PLCB1: variants seen among roughly 807,000 people sequenced by gnomAD.
The protein encoded by PLCB1 is 1-phosphatidylinositol 4,5-bisphosphate phosphodiesterase beta-1.
Under a neutral mutation model 161.8 loss-of-function variants are expected in PLCB1, and 46 were observed. That is an observed-to-expected ratio of 0.28 (90% confidence interval 0.22 to 0.36). PLCB1 has a LOEUF of 0.36. Ranked by LOEUF, PLCB1 falls within the 10% of genes least tolerant of loss-of-function variation. The pLI is 1.00. For synonymous variants in PLCB1, 517 were observed against 503.7 expected, an observed-to-expected ratio of 1.03 and a Z score of -0.35; for missense variants, 1,016 against 1,472.5, an observed-to-expected ratio of 0.69 and a Z score of 5.07.
intron 6 of PLCB1, 101 bp downstream of exon 6, chr20:8,648,054 T>C (rs1989214370): frequency 2.5e-6 from 2 of 792,054 alleles, no homozygotes; most frequent in Admixed American, 5.1e-5. Flanking sequence ...TAAGTGGGAG[T>C]GTGGAAATGC....
intron 3 of PLCB1, among the ~76,000 whole-genome samples, chr20:8,571,607 A>T (rs1464313547): frequency 6.6e-6 from 1 of 152,176 alleles, no homozygotes; most frequent in Non-Finnish European, 1.5e-5. Context: ...GACTTGAACT[A>T]AAGAGTAATA....
At chr20:8,149,480 C>A (rs556527073) in intron 1 of PLCB1, among the ~76,000 whole-genome samples, 2 of 152,172 alleles carry the variant, frequency 1.3e-5, no homozygotes, top group East Asian at 3.9e-4. Context: ...TTTTAATAAG[C>A]TAGATGATAT....
intron 11 of PLCB1, among the ~76,000 whole-genome samples, chr20:8,702,587 T>A (rs1276637982): frequency 6.6e-6 from 1 of 152,222 alleles, no homozygotes; most frequent in Non-Finnish European, 1.5e-5. Flanking sequence ...TACACCCTAC[T>A]GTTGTCTGTC....
chr20:8,725,118 A>T (rs1245175545), intron 16 of PLCB1, among the ~76,000 whole-genome samples: 1 of 152,148 alleles, frequency 6.6e-6, no homozygotes, highest in Non-Finnish European at 1.5e-5. Context: ...GATAATGTTG[A>T]AATAAACTAT....
chr20:8,611,781 A>G (rs1000955372), intron 3 of PLCB1, among the ~76,000 whole-genome samples: 1 of 151,990 alleles, frequency 6.6e-6, no homozygotes, highest in Middle Eastern at 3.2e-3. Context: ...ATATCTGCAA[A>G]CTTTTAAGAG....
chr20:8,571,674 T>A (rs1986523554), intron 3 of PLCB1, among the ~76,000 whole-genome samples: 1 of 152,126 alleles, frequency 6.6e-6, no homozygotes, highest in Non-Finnish European at 1.5e-5. Context: ...ATGCCCTATG[T>A]CCTACTGATG....
intron 11 of PLCB1, among the ~76,000 whole-genome samples, chr20:8,706,158 A>G (rs1978658793): frequency 1.3e-5 from 2 of 152,232 alleles, no homozygotes; most frequent in African/African-American, 4.8e-5. Context: ...AACAACCCAC[A>G]TCTATGATAT....
chr20:8,180,079 C>T (rs540709740), intron 2 of PLCB1, among the ~76,000 whole-genome samples: 40 of 151,780 alleles, frequency 2.6e-4, no homozygotes, highest in African/African-American at 8.5e-4. Context: ...AGGATGGTCT[C>T]GATCTCCTGA....
chr20:8,542,049 A>G (rs550528259), intron 3 of PLCB1, among the ~76,000 whole-genome samples: 4 of 152,350 alleles, frequency 2.6e-5, no homozygotes, highest in African/African-American at 4.8e-5. Flanking sequence ...TGCTACATGA[A>G]TTCAGATGTT....
At chr20:8,608,797 G>C (rs533560274) in intron 3 of PLCB1, among the ~76,000 whole-genome samples, 1 of 152,168 alleles carries the variant, frequency 6.6e-6, no homozygotes, top group African/African-American at 2.4e-5. Context: ...TAATTATTTG[G>C]GTTCCAGATA....
intron 3 of PLCB1, among the ~76,000 whole-genome samples, chr20:8,571,781 TGGAAAGAAA>T (rs762031858): frequency 3.4e-4 from 52 of 152,264 alleles, no homozygotes; most frequent in Admixed American, 8.5e-4. Context: ...AGGGAAGATT[TGGAAAGAAA>T]GGGAAGAACT....
intron 3 of PLCB1, among the ~76,000 whole-genome samples, chr20:8,464,936 A>G (rs1427565978): frequency 1.3e-5 from 2 of 152,124 alleles, no homozygotes; most frequent in African/African-American, 4.8e-5. Context: ...TTTAATTACC[A>G]TATTTTTAAT....
chr20:8,415,050 G>A (rs1979210393), intron 3 of PLCB1, among the ~76,000 whole-genome samples: 1 of 152,184 alleles, frequency 6.6e-6, no homozygotes, highest in South Asian at 2.1e-4. Flanking sequence ...ATTCTTTATT[G>A]TTATCATGGG....
At position 8,170,481 on chromosome 20, in the gene PLCB1, A is replaced by T. The variant is rs1417388703; in HGVS notation, c.177+20110A>T. ...GCAGATTTATTTTAAATCAGATCTA[A>T]ATTTTTAGATTTGCAAGGTCTGAGT... is the stretch of plus-strand genomic sequence containing the variant. On this transcript the variant is annotated intron_variant, in intron 2 of 31. Coordinates refer to ENST00000338037, the MANE Select transcript of PLCB1 (RefSeq NM_015192.4). Among the ~76,000 whole-genome samples the T allele has an allele frequency of 2.0e-5, 3 of 152,296 alleles. No homozygotes were observed. In the East Asian group the frequency reaches 5.8e-4, roughly 29 times the overall value.
At chr20:8,432,103 AG>A (rs1205199969) in intron 3 of PLCB1, among the ~76,000 whole-genome samples, 1 of 152,134 alleles carries the variant, frequency 6.6e-6, no homozygotes, top group African/African-American at 2.4e-5. Flanking sequence ...AGCTGAAGAC[AG>A]GGGTCCTTAT....
chr20:8,568,175 A>C (rs1302138174), intron 3 of PLCB1, among the ~76,000 whole-genome samples: 1 of 152,202 alleles, frequency 6.6e-6, no homozygotes, highest in Non-Finnish European at 1.5e-5. Flanking sequence ...CAAACAGCCC[A>C]AACCAAATAT....
At chr20:8,580,023 G>A (rs1456927271) in intron 3 of PLCB1, among the ~76,000 whole-genome samples, 1 of 152,176 alleles carries the variant, frequency 6.6e-6, no homozygotes, top group African/African-American at 2.4e-5. Context: ...GGCCCTGGGT[G>A]ATGGAGCAGT....
rs118007292 is a variant in PLCB1, at chr20:8,630,564, G to C, written c.384+2133G>C. The stretch of plus-strand genomic sequence containing the variant: ...TTTCAGTTCAATGAACATTGTCTGT[G>C]TGACATATACTTTATTTTGCTGTAT... On this transcript the variant is annotated intron_variant, in intron 4 of 31. Transcript: ENST00000338037. Among the ~76,000 whole-genome samples, 1,255 of 152,280 alleles carry C rather than the reference G, an allele frequency of 8.2e-3. 10 individuals carry two copies. Among genetic ancestry groups the C allele is most frequent in the South Asian group, 0.027 (132 of 4,828 alleles).
Position 8,463,272 on chromosome 20 carries a change from T to G in PLCB1, c.246+91822T>G, listed in dbSNP as rs528077236. On this transcript the variant is annotated intron_variant, in intron 3 of 31. Coordinates refer to ENST00000338037, the MANE Select transcript of PLCB1 (RefSeq NM_015192.4). ...TAATGCCTCTCAAAGATTCAAAGAA[T>G]AATAATAAAATAAGCAGCTTTCCCT... is the stretch of plus-strand genomic sequence containing the variant. Among the ~76,000 whole-genome samples the G allele has an allele frequency of 1.5e-3, 219 of 150,040 alleles. 2 individuals are homozygous for G. Among genetic ancestry groups the G allele is most frequent in the Middle Eastern group, 6.8e-3 (2 of 292 alleles).
Sources: allele counts gnomAD v4.1 joint callset (sites outside exome capture counted in the v4.1 genomes callset), GRCh38; gene constraint gnomAD v4.1.1; transcripts MANE v1.5; gene names NCBI Gene and HGNC (gene_info 2026-07-23, HGNC 2026-07-21).